The following SLCO2A1 variants were observed in gnomAD, a reference collection of about 807,000 sequenced individuals.
The protein encoded by SLCO2A1 is solute carrier organic anion transporter family member 2A1.
SLCO2A1 carries 60 observed loss-of-function variants against 71.7 expected under a neutral mutation model. The ratio of observed to expected loss-of-function variants is 0.84; its 90% CI spans 0.68 to 1.04. The LOEUF is 1.04. SLCO2A1 is among the 50% of genes least tolerant of loss of function. The pLI, the probability that SLCO2A1 is intolerant of heterozygous loss-of-function variation, is 0.00. For synonymous variants in SLCO2A1, 308 were observed against 326.7 expected (o/e 0.94, Z 0.62); for missense variants, 745 against 813.4 (o/e 0.92, Z 1.02).
intron 2 of SLCO2A1, among the ~76,000 whole-genome samples, chr3:133,977,019 T>C (rs1319680609): frequency 6.6e-6 from 1 of 152,114 alleles, no homozygotes; most frequent in Non-Finnish European, 1.5e-5. Context: ...TCCTGGAGGT[T>C]CACCGCACAC....
chr3:133,951,245 A>G lies in SLCO2A1; in HGVS notation c.824T>C (p.Phe275Ser). Residue 275 changes from phenylalanine to serine, a missense_variant, in exon 6 of 14, where the codon TTT becomes TCT. Coordinates refer to ENST00000310926, the MANE Select transcript of SLCO2A1 (RefSeq NM_005630.3). ...GGGCATTGCTCGAGGGAAGAAAAAA[A>G]AGGGGAAAGAGGTGAGAACCAATAA... Reference protein sequence around the residue: ...SALLVLTSFPFFFFPRAMPIG... With the variant: ...SALLVLTSFPSFFFPRAMPIG... The G allele has an allele frequency of 6.2e-7, 1 of 1,614,102 alleles. No homozygotes were observed. The highest frequency in any genetic ancestry group is 1.1e-5 in the South Asian group (1 of 91,076).
At position 134,020,372 on chromosome 3, in the gene SLCO2A1, C is replaced by T. The variant is rs572653962; in HGVS notation, c.96+9335G>A. 3.9e-5 allele frequency among the ~76,000 whole-genome samples: 6 copies of T among 152,264 alleles called. No homozygotes were observed. The South Asian group carries it at 6.2e-4, about 16-fold the overall frequency. The stretch of plus-strand genomic sequence containing the variant: ...CCTGACCGGGAAGCGAGGTGATTGG[C>T]GGATGGTCGAGGCAGCTCCTTAGGC... On this transcript the variant is annotated intron_variant, in intron 1 of 13. Coordinates refer to ENST00000310926, the MANE Select transcript of SLCO2A1 (RefSeq NM_005630.3).
intron 6 of SLCO2A1, among the ~76,000 whole-genome samples, chr3:133,949,765 G>A (rs1158802558): frequency 6.6e-6 from 1 of 152,228 alleles, no homozygotes; most frequent in Non-Finnish European, 1.5e-5. Flanking sequence ...CTGTAAAGAA[G>A]AGGAAGCTTA....
At chr3:133,972,772 T>C (rs1303245294) in intron 3 of SLCO2A1, among the ~76,000 whole-genome samples, 2 of 152,164 alleles carry the variant, frequency 1.3e-5, no homozygotes, top group Admixed American at 1.3e-4. Flanking sequence ...GTAGCTAAAC[T>C]ATAATTCAAG....
At chr3:133,980,987 A>G (rs1425074139) in intron 1 of SLCO2A1, among the ~76,000 whole-genome samples, 1 of 152,200 alleles carries the variant, frequency 6.6e-6, no homozygotes, top group East Asian at 1.9e-4. Flanking sequence ...CATGCTAGAG[A>G]GGCTCCACTG....
chr3:134,027,442 C>A (rs566073311), intron 1 of SLCO2A1, among the ~76,000 whole-genome samples: 6 of 152,218 alleles, frequency 3.9e-5, no homozygotes, highest in Admixed American at 6.5e-5. Flanking sequence ...CCCCCAGTCA[C>A]GTACCCACTG....
intron 10 of SLCO2A1, among the ~76,000 whole-genome samples, chr3:133,944,502 A>G (rs1933513469): frequency 6.6e-6 from 1 of 152,208 alleles, no homozygotes; most frequent in African/African-American, 2.4e-5. Context: ...AGGTTGCCCA[A>G]GTGGAAAGCT....
intron 3 of SLCO2A1, among the ~76,000 whole-genome samples, chr3:133,965,361 G>C (rs1224669136): frequency 6.6e-6 from 1 of 152,252 alleles, no homozygotes; most frequent in Non-Finnish European, 1.5e-5. Flanking sequence ...CCCGGCTCGG[G>C]TGCCCGTGGG....
chr3:133,988,587 A>G (rs139804219), intron 1 of SLCO2A1, among the ~76,000 whole-genome samples: 247 of 152,374 alleles, frequency 1.6e-3, no homozygotes, highest in African/African-American at 5.6e-3. Flanking sequence ...TCACATTTGT[A>G]AAATATTTGA....
At chr3:133,992,831 T>C (rs183160859) in intron 1 of SLCO2A1, among the ~76,000 whole-genome samples, 1 of 152,332 alleles carries the variant, frequency 6.6e-6, no homozygotes, top group East Asian at 1.9e-4. Flanking sequence ...CCACTTTCAT[T>C]GGCTGTTAAA....
At chr3:133,996,837 T>C (rs6439449) in intron 1 of SLCO2A1, among the ~76,000 whole-genome samples, 142,936 of 152,252 alleles carry the variant, frequency 0.94, 67,711 homozygotes, top group Non-Finnish European at 1. Context: ...TCCCTCCACA[T>C]GGGAAAAAAG....
intron 1 of SLCO2A1, among the ~76,000 whole-genome samples, chr3:134,001,827 T>C (rs1935108795): frequency 6.6e-6 from 1 of 152,052 alleles, no homozygotes; most frequent in South Asian, 2.1e-4. Context: ...CTTGCTCCTC[T>C]CCTATCAGAA....
At chr3:134,009,406 T>C (rs1004856933) in intron 1 of SLCO2A1, among the ~76,000 whole-genome samples, 1 of 152,226 alleles carries the variant, frequency 6.6e-6, no homozygotes, top group Non-Finnish European at 1.5e-5. Context: ...TAAAAAATGA[T>C]TTGCATGTAT....
At chr3:134,012,539 T>C (rs1329151233) in intron 1 of SLCO2A1, among the ~76,000 whole-genome samples, 1 of 152,194 alleles carries the variant, frequency 6.6e-6, no homozygotes, top group East Asian at 1.9e-4. Flanking sequence ...TGAAAGTCAA[T>C]AATTCCATAA....
chr3:133,946,882 TG>T (rs1328854194), intron 9 of SLCO2A1, among the ~76,000 whole-genome samples: 1 of 151,988 alleles, frequency 6.6e-6, no homozygotes, highest in Non-Finnish European at 1.5e-5. Context: ...TGGGAGGCTG[TG>T]GCAGGCAGAT....
chr3:133,962,749 T>C (rs1934068892), intron 3 of SLCO2A1, among the ~76,000 whole-genome samples: 1 of 152,200 alleles, frequency 6.6e-6, no homozygotes, highest in Non-Finnish European at 1.5e-5. Context: ...ACGTAACTTA[T>C]AGAAGCATGG....
chr3:133,977,348 T>C (rs1934484351), intron 2 of SLCO2A1, among the ~76,000 whole-genome samples: 1 of 152,164 alleles, frequency 6.6e-6, no homozygotes, highest in Non-Finnish European at 1.5e-5. Context: ...CCTGGGAAAA[T>C]ATTAAGCTCT....
chr3:133,949,092 C>G, intron 6 of SLCO2A1, 121 bp from the exon 7 acceptor site: 1 of 779,046 alleles, frequency 1.3e-6, no homozygotes, highest in Non-Finnish European at 2.2e-6. Context: ...CCCCTCCAGG[C>G]GTGTGTGCAT....
intron 3 of SLCO2A1, among the ~76,000 whole-genome samples, chr3:133,970,919 C>T (rs1236505489): frequency 6.6e-6 from 1 of 152,270 alleles, no homozygotes; most frequent in Non-Finnish European, 1.5e-5. Context: ...TGGAACAGCA[C>T]AGTGTTTCCT....
Sources: gnomAD v4.1 joint callset for allele counts (sites outside exome capture counted in the v4.1 genomes callset) on GRCh38, gnomAD v4.1.1 for gene constraint, MANE v1.5 for transcripts, NCBI Gene and HGNC (gene_info 2026-07-23, HGNC 2026-07-21) for gene names.